The following IGSF21 variants were observed in gnomAD, a reference collection of about 807,000 sequenced individuals.
IGSF21 encodes immunoglobulin superfamily member 21.
In IGSF21, 28 loss-of-function variants were observed where a neutral mutation model predicts 46.8. The observed-to-expected ratio is 0.60, with a 90% CI of 0.44 to 0.82. The LOEUF (loss-of-function observed/expected upper bound fraction) is 0.82. IGSF21 is among the 40% of genes least tolerant of loss of function. The pLI is 0.00. For synonymous variants in IGSF21, 284 were observed against 273.6 expected (o/e 1.04, Z -0.38); for missense variants, 624 against 665.5 (o/e 0.94, Z 0.69).
intron 1 of IGSF21, among the ~76,000 whole-genome samples, chr1:18,200,854 G>A (rs568237576): frequency 2.0e-5 from 3 of 152,230 alleles, no homozygotes; most frequent in East Asian, 1.9e-4. Flanking sequence ...TGAGTTTCAC[G>A]TGATTTATGT....
chr1:18,378,281 G>A lies in IGSF21; in HGVS notation c.1359G>A (p.Arg453=), dbSNP rs1347801412. The A allele has an allele frequency of 1.2e-6, 2 of 1,613,890 alleles. No homozygotes were observed. Among genetic ancestry groups the A allele is most frequent in the Non-Finnish European group, 1.7e-6 (2 of 1,179,952 alleles). ...GTTCCATTGGCCCCACTGGTGCCCG[G>A]CTCACCTTGGTGCTCGCCCTGACAG... ...SNGSIGPTGA[R]LTLVLALTVI... Residue 453 remains arginine (R), a synonymous_variant, in exon 10 of 10, where the codon CGG becomes CGA. Transcript: ENST00000251296.
intron 3 of IGSF21, among the ~76,000 whole-genome samples, chr1:18,330,576 G>A (rs1313631802): frequency 2.1e-5 from 3 of 142,630 alleles, no homozygotes; most frequent in Non-Finnish European, 3.1e-5. Flanking sequence ...TGGGAGAAGG[G>A]AAGGTGGGAG....
intron 3 of IGSF21, among the ~76,000 whole-genome samples, chr1:18,315,323 G>T (rs768238851): frequency 7.2e-5 from 11 of 152,084 alleles, no homozygotes; most frequent in Non-Finnish European, 1.0e-4. Context: ...TCTGTTCTCA[G>T]GTCTACCAGC....
At chr1:18,318,164 G>A (rs961204130) in intron 3 of IGSF21, among the ~76,000 whole-genome samples, 2 of 152,212 alleles carry the variant, frequency 1.3e-5, no homozygotes, top group African/African-American at 4.8e-5. Flanking sequence ...CCAGCCATTG[G>A]CATTTCCTGA....
At chr1:18,193,579 G>T (rs911540462) in intron 1 of IGSF21, among the ~76,000 whole-genome samples, 1 of 152,080 alleles carries the variant, frequency 6.6e-6, no homozygotes, top group African/African-American at 2.4e-5. Flanking sequence ...TGGGAGTCTA[G>T]GCCAGTCTAA....
intron 1 of IGSF21, among the ~76,000 whole-genome samples, chr1:18,184,254 T>C (rs2086882445): frequency 6.6e-6 from 1 of 152,206 alleles, no homozygotes; most frequent in Non-Finnish European, 1.5e-5. Context: ...TCAAAGATGA[T>C]GAGAGATATT....
chr1:18,137,645 G>A (rs555201104), intron 1 of IGSF21, among the ~76,000 whole-genome samples: 1 of 152,242 alleles, frequency 6.6e-6, no homozygotes, highest in East Asian at 1.9e-4. Context: ...TTGGGGGGAT[G>A]GAGACATAGA....
intron 3 of IGSF21, among the ~76,000 whole-genome samples, chr1:18,304,342 T>G (rs1047502279): frequency 9.9e-5 from 15 of 152,112 alleles, no homozygotes; most frequent in African/African-American, 2.9e-4. Flanking sequence ...GGGGAGAAGT[T>G]GTGACCACAG....
chr1:18,164,986 T>C (rs2086665121), intron 1 of IGSF21, among the ~76,000 whole-genome samples: 1 of 149,670 alleles, frequency 6.7e-6, no homozygotes, highest in Admixed American at 6.7e-5. Flanking sequence ...CATGCGGTGT[T>C]TGGTTTTTTG....
At position 18,238,419 on chromosome 1, in the gene IGSF21, C is replaced by T. The variant is rs190517819; in HGVS notation, c.183+10409C>T. ...GGATTTGTGCACAGATGCCCTTGGA[C>T]GGGAAGAGGAGATAAGAAGCAGGGT... On this transcript the variant is annotated intron_variant, in intron 2 of 9. Coordinates refer to ENST00000251296, the MANE Select transcript of IGSF21 (RefSeq NM_032880.5). Among the ~76,000 whole-genome samples the T allele has an allele frequency of 4.7e-4, 72 of 152,262 alleles. 1 individual carries two copies. Among genetic ancestry groups the T allele is most frequent in the African/African-American group, 1.7e-3 (72 of 41,552 alleles).
chr1:18,306,792 C>T (rs2085430522), intron 3 of IGSF21, among the ~76,000 whole-genome samples: 1 of 152,182 alleles, frequency 6.6e-6, no homozygotes, highest in South Asian at 2.1e-4. Context: ...CCTTTTTGTC[C>T]AATGCACAAA....
At chr1:18,330,403 ATCT>A (rs1273998561) in intron 3 of IGSF21, among the ~76,000 whole-genome samples, 1 of 152,210 alleles carries the variant, frequency 6.6e-6, no homozygotes, top group Non-Finnish European at 1.5e-5. Context: ...ATATTTGCAA[ATCT>A]TCTGTGATTC....
chr1:18,228,085 C>T, intron 2 of IGSF21, 75 bp downstream of exon 2: 1 of 1,155,588 alleles, frequency 8.7e-7, no homozygotes, highest in Admixed American at 1.8e-5. Context: ...TCTGGACACC[C>T]TCACTGGTGT....
At chr1:18,336,146 G>T (rs568863749) in intron 4 of IGSF21, among the ~76,000 whole-genome samples, 1 of 152,272 alleles carries the variant, frequency 6.6e-6, no homozygotes, top group South Asian at 2.1e-4. Flanking sequence ...GGCCGGGAAT[G>T]GACCCAAACT....
intron 3 of IGSF21, among the ~76,000 whole-genome samples, chr1:18,308,701 C>T (rs1444553176): frequency 3.3e-5 from 5 of 152,158 alleles, no homozygotes; most frequent in Non-Finnish European, 7.4e-5. Flanking sequence ...TTCTGACCTC[C>T]CCCAGGAGAC....
At chr1:18,340,936 C>T (rs1402226583) in intron 4 of IGSF21, among the ~76,000 whole-genome samples, 1 of 151,802 alleles carries the variant, frequency 6.6e-6, no homozygotes, top group Non-Finnish European at 1.5e-5. Flanking sequence ...CTTTCCTCCT[C>T]TTCTCCGTCC....
At chr1:18,113,760 C>T (rs2086163561) in intron 1 of IGSF21, 1 of 151,948 alleles carries the variant, frequency 6.6e-6, no homozygotes, top group South Asian at 2.1e-4. Context: ...CCTGGGACCC[C>T]CAGGAAACCG....
At chr1:18,108,238 G>A in intron 1 of IGSF21, 40 bp downstream of exon 1, 1 of 1,323,112 alleles carries the variant, frequency 7.6e-7, no homozygotes, top group Non-Finnish European at 9.6e-7. Context: ...AGCGGTGAAC[G>A]TGCGCGGGGA....
chr1:18,370,192 C>T (rs2086210504), intron 6 of IGSF21, among the ~76,000 whole-genome samples: 1 of 152,146 alleles, frequency 6.6e-6, no homozygotes, highest in Non-Finnish European at 1.5e-5. Context: ...TATTTCCCAC[C>T]CCGATTGATC....
Sources: gnomAD v4.1 joint callset for allele counts (sites outside exome capture counted in the v4.1 genomes callset) on GRCh38, gnomAD v4.1.1 for gene constraint, MANE v1.5 for transcripts, NCBI Gene and HGNC (gene_info 2026-07-23, HGNC 2026-07-21) for gene names.